COP1: variants seen among roughly 807,000 people sequenced by gnomAD.
COP1 encodes COP1 E3 ubiquitin ligase.
COP1 carries 24 observed loss-of-function variants against 101.3 expected under a neutral mutation model. The observed-to-expected ratio is 0.24, with a 90% CI of 0.17 to 0.33. The LOEUF is 0.33. Ranked by LOEUF, COP1 falls within the 10% of genes least tolerant of loss-of-function variation. The pLI is 1.00. For missense variants in COP1, 663 were observed against 906.2 expected (o/e 0.73, Z 3.45); for synonymous variants, 347 against 341.9 (o/e 1.01, Z -0.17).
intron 18 of COP1, among the ~76,000 whole-genome samples, chr1:175,970,375 T>C (rs1026861891): frequency 2.0e-5 from 3 of 152,156 alleles, no homozygotes; most frequent in Non-Finnish European, 4.4e-5. Context: ...GGAATGGGAA[T>C]AGTATGGGAC....
chr1:175,993,235 C>T (rs935471293), intron 15 of COP1, among the ~76,000 whole-genome samples: 1 of 152,162 alleles, frequency 6.6e-6, no homozygotes, highest in Non-Finnish European at 1.5e-5. Context: ...ACACCAAAAA[C>T]CCATCTGTAT....
At chr1:175,992,306 C>T (rs1185714329) in intron 15 of COP1, among the ~76,000 whole-genome samples, 1 of 152,140 alleles carries the variant, frequency 6.6e-6, no homozygotes, top group African/African-American at 2.4e-5. Flanking sequence ...TCTACAGCTC[C>T]CAGAGTGAGC....
At chr1:176,104,204 G>A (rs1232036821) in intron 9 of COP1, among the ~76,000 whole-genome samples, 1 of 152,024 alleles carries the variant, frequency 6.6e-6, no homozygotes, top group African/African-American at 2.4e-5. Context: ...AATAGATTGA[G>A]AATTTAAATG....
chr1:176,179,189 C>T (rs1418696852), intron 2 of COP1, among the ~76,000 whole-genome samples: 2 of 151,680 alleles, frequency 1.3e-5, no homozygotes, highest in South Asian at 2.1e-4. Context: ...ACTCAGTAGG[C>T]CGAGGCAGGA....
At chr1:176,109,170 C>T (rs188348898) in intron 9 of COP1, among the ~76,000 whole-genome samples, 1 of 152,000 alleles carries the variant, frequency 6.6e-6, no homozygotes, top group East Asian at 1.9e-4. Context: ...GCAATTAAGC[C>T]ATTTACTTGC....
intron 11 of COP1, among the ~76,000 whole-genome samples, chr1:176,057,889 G>C (rs972393373): frequency 6.6e-6 from 1 of 152,010 alleles, no homozygotes; most frequent in African/African-American, 2.4e-5. Context: ...TAGGAAGTGA[G>C]GAGCGTCTCT....
intron 18 of COP1, among the ~76,000 whole-genome samples, chr1:175,949,774 C>T (rs1649642288): frequency 6.6e-6 from 1 of 152,170 alleles, no homozygotes; most frequent in Non-Finnish European, 1.5e-5. Flanking sequence ...GCTCCATCTC[C>T]TTCTGCCATT....
At chr1:176,133,211 CACATACGTATAT>C (rs1169335023) in intron 8 of COP1, among the ~76,000 whole-genome samples, 1 of 147,878 alleles carries the variant, frequency 6.8e-6, no homozygotes, top group South Asian at 2.1e-4. Flanking sequence ...CGTATGTACA[CACATACGTATAT>C]ACGTACGTAT....
At chr1:175,985,823 T>C (rs1656980323) in intron 18 of COP1, among the ~76,000 whole-genome samples, 1 of 152,134 alleles carries the variant, frequency 6.6e-6, no homozygotes, top group African/African-American at 2.4e-5. Context: ...TTAGCAAAAC[T>C]GGAAATGGAG....
At chr1:176,200,458 G>C (rs1700152765) in intron 1 of COP1, among the ~76,000 whole-genome samples, 1 of 152,136 alleles carries the variant, frequency 6.6e-6, no homozygotes, top group African/African-American at 2.4e-5. Flanking sequence ...CAATGCACTA[G>C]ACACTTGAGC....
rs944464957 is a variant in COP1 at position 176,187,565 on chromosome 1, TA to T, written c.408-2874del. Among the ~76,000 whole-genome samples, 5 of 152,260 alleles carry T rather than the reference TA, an allele frequency of 3.3e-5. 1 individual carries two copies. The highest frequency in any genetic ancestry group is 1.2e-4 in the African/African-American group (5 of 41,548). On this transcript the variant is annotated intron_variant, in intron 1 of 19. Coordinates refer to ENST00000367669, the MANE Select transcript of COP1 (RefSeq NM_022457.7). ...ATTCCTGGCTGAAATACTGGCTTTT[TA>T]ATCACAGTTCTACCCCACAGCTTTC...
chr1:176,199,623 T>C (rs1572819145), intron 1 of COP1, among the ~76,000 whole-genome samples: 1 of 152,080 alleles, frequency 6.6e-6, no homozygotes, highest in African/African-American at 2.4e-5. Flanking sequence ...ACACTCAACA[T>C]CATCAGTGTA....
chr1:175,992,100 T>A (rs766952167), intron 15 of COP1, among the ~76,000 whole-genome samples: 3 of 152,236 alleles, frequency 2.0e-5, no homozygotes, highest in African/African-American at 7.2e-5. Context: ...TTGAGTATTA[T>A]AGTTGGTATA....
chr1:175,955,566 T>C (rs1221019515), intron 18 of COP1, among the ~76,000 whole-genome samples: 1 of 152,172 alleles, frequency 6.6e-6, no homozygotes, highest in Non-Finnish European at 1.5e-5. Context: ...AAAGAGATGA[T>C]GGCCTATGTG....
chr1:175,947,562 G>A (rs1313023580), intron 18 of COP1, among the ~76,000 whole-genome samples: 1 of 151,996 alleles, frequency 6.6e-6, no homozygotes, highest in African/African-American at 2.4e-5. Flanking sequence ...TAGAGACGGG[G>A]ATTCTCCATG....
In COP1 at chr1:176,188,894, T is replaced by C. The variant is rs191570591; in HGVS notation, c.408-4202A>G. ...CAAAGCATCCCAGAGTTGTGACATA[T>C]GTGAAATGTTCTAACATACATGTAA... is the stretch of plus-strand genomic sequence containing the variant. On this transcript the variant is annotated intron_variant, in intron 1 of 19. Transcript: ENST00000367669. Among the ~76,000 whole-genome samples, 320 of 151,912 alleles carry C rather than the reference T, an allele frequency of 2.1e-3. 3 individuals carry two copies. Among genetic ancestry groups the C allele is most frequent in the South Asian group, 9.8e-3 (47 of 4,814 alleles).
intron 18 of COP1, among the ~76,000 whole-genome samples, chr1:175,966,922 C>A (rs1652134002): frequency 6.6e-6 from 1 of 152,152 alleles, no homozygotes; most frequent in African/African-American, 2.4e-5. Context: ...TTCCAATCTT[C>A]CACCCCCCAT....
In COP1 at chr1:176,205,115, C is replaced by G. The variant is rs529920329; in HGVS notation, c.407+1457G>C. On this transcript the variant is annotated intron_variant, in intron 1 of 19. Transcript: ENST00000367669. ...TTTAGTGTACTTACACGGAGGCTAA[C>G]ATGTTTGTGTTCGTTAAGTATACTA... Among the ~76,000 whole-genome samples, 106 of 152,270 alleles carry G rather than the reference C, an allele frequency of 7.0e-4. 3 individuals carry two copies. The highest frequency in any genetic ancestry group is 2.5e-3 in the African/African-American group (103 of 41,548).
intron 9 of COP1, among the ~76,000 whole-genome samples, chr1:176,114,311 T>C (rs1217844616): frequency 5.9e-5 from 9 of 151,978 alleles, no homozygotes; most frequent in Admixed American, 5.9e-4. Context: ...AAAAAAAGAA[T>C]AGGCCAAATG....
Sources: gnomAD v4.1 joint callset for allele counts (sites outside exome capture counted in the v4.1 genomes callset) on GRCh38, gnomAD v4.1.1 for gene constraint, MANE v1.5 for transcripts, NCBI Gene and HGNC (gene_info 2026-07-23, HGNC 2026-07-21) for gene names.